PDE1C: variants seen among roughly 807,000 people sequenced by gnomAD.
PDE1C encodes dual specificity calcium/calmodulin-dependent 3',5'-cyclic nucleotide phosphodiesterase 1C.
Under a neutral mutation model 93.1 loss-of-function variants are expected in PDE1C, and 62 were observed. The ratio of observed to expected loss-of-function variants is 0.67; its 90% CI spans 0.54 to 0.82. The LOEUF is 0.82. Ranked by LOEUF, PDE1C falls within the 40% of genes least tolerant of loss-of-function variation. The probability of loss-of-function intolerance (pLI) is 0.00; values close to 1 mark genes in which losing one functional copy is unlikely to be tolerated. For synonymous variants in PDE1C, 325 were observed against 310.1 expected (o/e 1.05, Z -0.50); for missense variants, 742 against 884.6 (o/e 0.84, Z 2.04).
At position 31,939,241 on chromosome 7, in the gene PDE1C, G is replaced by A. The variant is rs527426654; in HGVS notation, c.129-58381C>T. On this transcript the variant is annotated intron_variant, in intron 2 of 17. Transcript: ENST00000396191. ...GACAGAAGAAGAAGAAGGAGGAGGA[G>A]GAGGAGAAGGAGGAGAAAGAGGAGG... Among the ~76,000 whole-genome samples the A allele has an allele frequency of 5.8e-4, 88 of 152,188 alleles. 1 individual carries two copies. The highest frequency in any genetic ancestry group is 2.0e-3 in the African/African-American group (85 of 41,520).
chr7:32,134,805 G>C (rs1233260696), intron 3 of PDE1C, among the ~76,000 whole-genome samples: 1 of 152,124 alleles, frequency 6.6e-6, no homozygotes, highest in Non-Finnish European at 1.5e-5. Context: ...GATAGCTAAT[G>C]CATGTGGGGC....
At chr7:32,260,614 G>T (rs1401720473) in intron 1 of PDE1C, among the ~76,000 whole-genome samples, 1 of 152,230 alleles carries the variant, frequency 6.6e-6, no homozygotes, top group African/African-American at 2.4e-5. Context: ...AGGAAATTAT[G>T]ACAGTGAAAG....
In PDE1C at chr7:32,317,579, A is replaced by G. The variant is rs73089953; in HGVS notation, c.311-108040T>C. Reference sequence around the variant, plus strand: ...AGAGTGATAAAAAGACATGAGAGAAAGTGATAGTTTTTTTTTTTACATTAT... The same window carrying G: ...AGAGTGATAAAAAGACATGAGAGAAGGTGATAGTTTTTTTTTTTACATTAT... On this transcript the variant is annotated intron_variant, in intron 1 of 1. Coordinates refer to the PDE1C transcript ENST00000672256. Among the ~76,000 whole-genome samples, 1,178 of 150,984 alleles carry G rather than the reference A, an allele frequency of 7.8e-3. 9 individuals are homozygous for G. The highest frequency in any genetic ancestry group is 0.014 in the South Asian group (66 of 4,746).
intron 16 of PDE1C, chr7:31,783,843 T>C (rs563631010): frequency 6.6e-6 from 1 of 152,322 alleles, no homozygotes; most frequent in South Asian, 2.1e-4. Flanking sequence ...GATGTACAAA[T>C]GCAAATTACA....
rs1562608131 is a variant in PDE1C, at chr7:32,238,883, GA to G, written c.86-29345del. ...GAATAAAGACCTAAACATGAACTGG[GA>G]AATGTTATTTCCTCAGGGTATGAAA... On this transcript the variant is annotated intron_variant, in intron 1 of 18. Coordinates refer to the PDE1C transcript ENST00000396193. 4.6e-5 allele frequency among the ~76,000 whole-genome samples: 7 copies of G among 152,144 alleles called. 1 individual carries two copies. The South Asian group carries it at 1.5e-3, about 32-fold the overall frequency.
chr7:31,789,038 GCT>G (rs565874093), intron 16 of PDE1C: 1 of 152,130 alleles, frequency 6.6e-6, no homozygotes, highest in South Asian at 2.1e-4. Flanking sequence ...CTATTGCCTA[GCT>G]CTCTTTCTAT....
the PDE1C span, among the ~76,000 whole-genome samples, chr7:31,685,477 C>T: frequency 6.6e-6 from 1 of 152,128 alleles, no homozygotes; most frequent in African/African-American, 2.4e-5. Flanking sequence ...TACCTCAAAA[C>T]AGTTTAATTC....
chr7:32,358,253 G>C (rs936911485), intron 1 of PDE1C, among the ~76,000 whole-genome samples: 16 of 152,292 alleles, frequency 1.1e-4, no homozygotes, highest in African/African-American at 3.4e-4. Context: ...CCAAACACAA[G>C]AGTATCTTTC....
At chr7:31,726,030 G>A in the PDE1C span, among the ~76,000 whole-genome samples, 1 of 152,116 alleles carries the variant, frequency 6.6e-6, no homozygotes, top group African/African-American at 2.4e-5. Flanking sequence ...TGGTGTATTT[G>A]TTTTCACGTG....
At chr7:31,899,517 C>A (rs1425305880) in intron 2 of PDE1C, among the ~76,000 whole-genome samples, 3 of 152,030 alleles carry the variant, frequency 2.0e-5, no homozygotes, top group Non-Finnish European at 4.4e-5. Flanking sequence ...ATAGTGTAAG[C>A]CCCGGGAGAT....
the PDE1C span, among the ~76,000 whole-genome samples, chr7:31,617,811 ATTTGG>A: frequency 3.9e-5 from 6 of 152,220 alleles, no homozygotes; most frequent in Non-Finnish European, 8.8e-5. Flanking sequence ...AAGATAAAAT[ATTTGG>A]AGACTATTTA....
At chr7:32,380,268 C>T (rs1000848499) in intron 1 of PDE1C, among the ~76,000 whole-genome samples, 5 of 151,524 alleles carry the variant, frequency 3.3e-5, no homozygotes, top group Admixed American at 1.3e-4. Context: ...GATGGAGCCT[C>T]GCTCTTTCAC....
chr7:32,112,840 GTGTGTGTATA>G (rs1334329175), intron 3 of PDE1C, among the ~76,000 whole-genome samples: 1,451 of 53,480 alleles, frequency 0.027, 21 homozygotes, highest in Non-Finnish European at 0.041. Flanking sequence ...GTGTGTGTGT[GTGTGTGTATA>G]TATATATATA....
chr7:31,628,227 T>C, the PDE1C span, among the ~76,000 whole-genome samples: 1 of 152,064 alleles, frequency 6.6e-6, no homozygotes, highest in South Asian at 2.1e-4. Flanking sequence ...AATCTCCTAC[T>C]CCTACCGGTG....
At chr7:32,312,291 G>A (rs998450336) in intron 1 of PDE1C, among the ~76,000 whole-genome samples, 3 of 151,928 alleles carry the variant, frequency 2.0e-5, no homozygotes, top group Non-Finnish European at 4.4e-5. Context: ...CCATGCTCAT[G>A]GGTAGGAAGA....
the PDE1C span, among the ~76,000 whole-genome samples, chr7:31,679,002 A>G: frequency 6.6e-6 from 1 of 152,220 alleles, no homozygotes; most frequent in Admixed American, 6.5e-5. Flanking sequence ...GCATTGGCAG[A>G]AATAAAGCAT....
intron 1 of PDE1C, among the ~76,000 whole-genome samples, chr7:32,280,588 A>G (rs1404783125): frequency 1.3e-5 from 2 of 152,214 alleles, no homozygotes; most frequent in African/African-American, 2.4e-5. Context: ...AAACATGTAC[A>G]AAAATTGATT....
chr7:32,141,607 T>C (rs1412780579), intron 3 of PDE1C, among the ~76,000 whole-genome samples: 1 of 152,096 alleles, frequency 6.6e-6, no homozygotes, highest in African/African-American at 2.4e-5. Context: ...TTCCTCAAAA[T>C]TGTTGAGGTC....
chr7:31,699,837 T>A, the PDE1C span, among the ~76,000 whole-genome samples: 2 of 152,144 alleles, frequency 1.3e-5, no homozygotes, highest in African/African-American at 4.8e-5. Flanking sequence ...TGATCAGTGA[T>A]GTTTGATGTT....
Sources: allele counts gnomAD v4.1 joint callset (sites outside exome capture counted in the v4.1 genomes callset), GRCh38; gene constraint gnomAD v4.1.1; transcripts MANE v1.5; gene names NCBI Gene and HGNC (gene_info 2026-07-23, HGNC 2026-07-21).